PPM1L: variants seen among roughly 807,000 people sequenced by gnomAD.
PPM1L encodes protein phosphatase, Mg2+/Mn2+ dependent 1L, also known as protein phosphatase 1L.
Under a neutral mutation model 31.4 loss-of-function variants are expected in PPM1L, and 13 were observed. The ratio of observed to expected loss-of-function variants is 0.41; its 90% CI spans 0.27 to 0.66. PPM1L has a LOEUF of 0.66. Ranked by LOEUF, PPM1L falls within the 30% of genes least tolerant of loss-of-function variation. PPM1L has a pLI of 0.29. For missense variants in PPM1L, 326 were observed against 453.7 expected, an observed-to-expected ratio of 0.72 and a Z score of 2.56; for synonymous variants, 184 against 175.4, an observed-to-expected ratio of 1.05 and a Z score of -0.39.
chr3:160,775,178 C>A (rs1711536029), intron 1 of PPM1L, among the ~76,000 whole-genome samples: 1 of 152,128 alleles, frequency 6.6e-6, no homozygotes, highest in African/African-American at 2.4e-5. Context: ...TACTATGTGC[C>A]CAGGGTTATA....
At chr3:161,015,975 T>C (rs1239987983) in intron 2 of PPM1L, among the ~76,000 whole-genome samples, 1 of 152,104 alleles carries the variant, frequency 6.6e-6, no homozygotes, top group Non-Finnish European at 1.5e-5. Flanking sequence ...AGAAATCCCA[T>C]GGAAAGGAGA....
chr3:160,831,268 T>C (rs1237371013), intron 1 of PPM1L, among the ~76,000 whole-genome samples: 12 of 152,202 alleles, frequency 7.9e-5, no homozygotes. Context: ...TCATTATACA[T>C]GATATGTATC....
At chr3:160,974,347 T>C (rs1156721401) in intron 2 of PPM1L, among the ~76,000 whole-genome samples, 3 of 152,112 alleles carry the variant, frequency 2.0e-5, no homozygotes, top group Non-Finnish European at 4.4e-5. Context: ...TGCATGTGTC[T>C]TTATAGCAGC....
chr3:160,906,211 T>G (rs1339431475), intron 1 of PPM1L, among the ~76,000 whole-genome samples: 3 of 152,206 alleles, frequency 2.0e-5, no homozygotes, highest in Non-Finnish European at 4.4e-5. Flanking sequence ...GGTGTCTGGA[T>G]CAGTATGTCT....
At chr3:160,849,515 G>T (rs943363475) in intron 1 of PPM1L, among the ~76,000 whole-genome samples, 13 of 151,890 alleles carry the variant, frequency 8.6e-5, no homozygotes, top group African/African-American at 3.1e-4. Flanking sequence ...CCACCTCCCG[G>T]GTTCATGCCA....
intron 3 of PPM1L, 67 bp downstream of exon 3, chr3:161,065,631 G>C (rs1719715760): frequency 1.3e-6 from 2 of 1,484,396 alleles, no homozygotes; most frequent in Non-Finnish European, 1.9e-6. Context: ...CTTGCTTGGA[G>C]AGCTCCTGGA....
intron 1 of PPM1L, among the ~76,000 whole-genome samples, chr3:160,925,644 C>T (rs1314578014): frequency 1.3e-5 from 2 of 152,100 alleles, no homozygotes; most frequent in African/African-American, 4.8e-5. Context: ...AATAACTCTA[C>T]CATATGTTTT....
intron 2 of PPM1L, among the ~76,000 whole-genome samples, chr3:161,026,530 T>A (rs1718396633): frequency 6.6e-6 from 1 of 151,966 alleles, no homozygotes; most frequent in African/African-American, 2.4e-5. Flanking sequence ...ACCCTTTCTT[T>A]ACTAAAAATA....
chr3:160,759,262 G>T (rs868388319), intron 1 of PPM1L, among the ~76,000 whole-genome samples: 2 of 152,116 alleles, frequency 1.3e-5, no homozygotes, highest in South Asian at 2.1e-4. Context: ...GATAAATGAG[G>T]AGTTTAATTT....
chr3:161,022,482 A>G (rs1287652231), intron 2 of PPM1L: 4 of 224,622 alleles, frequency 1.8e-5, no homozygotes, highest in Non-Finnish European at 2.6e-5. Flanking sequence ...ATTGTCTATT[A>G]TATTTACTTA....
chr3:160,805,581 G>A (rs1048258948), intron 1 of PPM1L, among the ~76,000 whole-genome samples: 3 of 152,094 alleles, frequency 2.0e-5, no homozygotes, highest in South Asian at 2.1e-4. Flanking sequence ...AATTAGTCAG[G>A]TGTGGTGGCA....
rs1168006075 is a variant in PPM1L at position 160,756,865 on chromosome 3, C to G, written c.399+158C>G. Among the ~76,000 whole-genome samples the G allele has an allele frequency of 2.0e-5, 3 of 151,600 alleles. No homozygotes were observed. Among genetic ancestry groups the G allele is most frequent in the Non-Finnish European group, 4.4e-5 (3 of 67,938 alleles). On this transcript the variant is annotated intron_variant, in intron 1 of 3. Coordinates refer to ENST00000498165, the MANE Select transcript of PPM1L (RefSeq NM_139245.4). The surrounding 1 kb of genome is among the most constrained non-coding windows in gnomAD (Gnocchi z 6.2). ...GGGCGTGGTGATGACACCACGGTGC[C>G]TGGCTGGACAAATGCGGCTCAAGTT...
At chr3:160,817,816 G>A (rs1713042165) in intron 1 of PPM1L, among the ~76,000 whole-genome samples, 2 of 152,088 alleles carry the variant, frequency 1.3e-5, no homozygotes, top group South Asian at 4.1e-4. Context: ...TTTGAAGGAG[G>A]CAAGTTCAGC....
At chr3:160,828,266 A>G (rs1219102819) in intron 1 of PPM1L, among the ~76,000 whole-genome samples, 2 of 152,098 alleles carry the variant, frequency 1.3e-5, no homozygotes, top group Admixed American at 6.6e-5. Context: ...TTTACCATGT[A>G]TGTATTCCAT....
intron 2 of PPM1L, among the ~76,000 whole-genome samples, chr3:161,063,634 A>G (rs997359400): frequency 2.0e-5 from 3 of 152,210 alleles, no homozygotes; most frequent in Non-Finnish European, 4.4e-5. Context: ...ATCTAGAACC[A>G]GAAATACCAT....
intron 1 of PPM1L, among the ~76,000 whole-genome samples, chr3:160,930,360 A>G (rs1714742347): frequency 6.6e-6 from 1 of 152,236 alleles, no homozygotes; most frequent in African/African-American, 2.4e-5. Flanking sequence ...AATGAAACAA[A>G]AGAGAGAATA....
At chr3:160,826,685 C>G (rs1713364487) in intron 1 of PPM1L, among the ~76,000 whole-genome samples, 1 of 152,032 alleles carries the variant, frequency 6.6e-6, no homozygotes, top group African/African-American at 2.4e-5. Flanking sequence ...TCTGGTTTTT[C>G]TTATTTAAAA....
intron 2 of PPM1L, among the ~76,000 whole-genome samples, chr3:160,962,645 G>A (rs1276858118): frequency 6.6e-6 from 1 of 151,966 alleles, no homozygotes; most frequent in Non-Finnish European, 1.5e-5. Context: ...ATGGTCAAAT[G>A]TTAATGGTAT....
intron 1 of PPM1L, among the ~76,000 whole-genome samples, chr3:160,954,956 C>CTTCCTTTCCTTTCCTTTCCT (rs1553749481): frequency 5.2e-5 from 4 of 77,428 alleles, no homozygotes; most frequent in South Asian, 5.7e-4. Flanking sequence ...TCCTTCCTTC[C>CTTCCTTTCCTTTCCTTTCCT]TTCCTTTCCT....
Sources: allele counts gnomAD v4.1 joint callset (sites outside exome capture counted in the v4.1 genomes callset), GRCh38; gene constraint gnomAD v4.1.1; non-coding constraint Gnocchi (gnomAD v3.1); transcripts MANE v1.5; gene names NCBI Gene and HGNC (gene_info 2026-07-23, HGNC 2026-07-21).